CDH22: variants seen among roughly 807,000 people sequenced by gnomAD.
The protein encoded by CDH22 is cadherin-22.
In CDH22, 30 loss-of-function variants were observed where a neutral mutation model predicts 58.4. The observed-to-expected ratio is 0.51, with a 90% CI of 0.38 to 0.70. CDH22 has a LOEUF of 0.70. Ranked by LOEUF, CDH22 falls within the 30% of genes least tolerant of loss-of-function variation. The pLI is 0.00. For missense variants in CDH22, 1,014 were observed against 1,233.9 expected, an observed-to-expected ratio of 0.82 and a Z score of 2.67; for synonymous variants, 513 against 558.2, an observed-to-expected ratio of 0.92 and a Z score of 1.14.
In CDH22 at chr20:46,174,585, C is replaced by A; in HGVS notation, c.2408G>T (p.Ser803Ile). The A allele has an allele frequency of 6.5e-7, 1 of 1,533,072 alleles. No individual in the cohort carries two copies. Among genetic ancestry groups the A allele is most frequent in the Non-Finnish European group, 8.7e-7 (1 of 1,144,786 alleles). 95.0% of individuals were successfully genotyped at this position (1,533,072 alleles called of 1,614,324 possible). A position where few individuals can be genotyped will look rare whatever the true frequency, so the allele number is the denominator to read the frequency against. ...SGSEQDFAYL[S>I]SWGPRFRPLA... ...GGGCCGGAAGCGCGGACCCCAGCTG[C>A]TGAGATAGGCGAAGTCCTGCTCGGA... The change falls in exon 12 of 12, where the codon AGC (serine) becomes ATC (isoleucine). Residue 803 changes from serine (S) to isoleucine (I), a missense_variant. Ser to Ile is a moderately radical substitution (Grantham distance 142, BLOSUM62 -2). Around this residue, in one of 2 missense-constraint regions of CDH22, gnomAD observed 208 missense variants for 195.2 expected, o/e 1.07. Coordinates refer to ENST00000537909, the MANE Select transcript of CDH22 (RefSeq NM_021248.3). The surrounding 1 kb of genome is among the most constrained non-coding windows in gnomAD (Gnocchi z 4.4).
At chr20:46,199,673 G>A (rs2085940454) in intron 7 of CDH22, 114 bp from the exon 8 acceptor site, 1 of 1,325,116 alleles carries the variant, frequency 7.5e-7, no homozygotes, top group Non-Finnish European at 1.0e-6. Context: ...ACACACACAA[G>A]GGGCAGAGAA....
chr20:46,294,129 G>A (rs1179743062), intron 1 of CDH22, among the ~76,000 whole-genome samples: 3 of 152,188 alleles, frequency 2.0e-5, no homozygotes, highest in Non-Finnish European at 4.4e-5. Context: ...TTAAAAGGGG[G>A]CAGCTTTATG....
chr20:46,220,779 GC>G (rs895488667), intron 4 of CDH22: 1 of 152,302 alleles, frequency 6.6e-6, no homozygotes, highest in Non-Finnish European at 1.5e-5. Context: ...TGGTCCTGAA[GC>G]CTTGTGGTGT....
intron 8 of CDH22, among the ~76,000 whole-genome samples, chr20:46,190,857 G>C (rs34291576): frequency 6.6e-6 from 1 of 152,138 alleles, no homozygotes; most frequent in Non-Finnish European, 1.5e-5. Flanking sequence ...GGGCAGCTCA[G>C]GGTGCCTAGG....
chr20:46,292,997 C>T (rs1335908404), intron 1 of CDH22, among the ~76,000 whole-genome samples: 6 of 151,346 alleles, frequency 4.0e-5, no homozygotes, highest in Non-Finnish European at 8.8e-5. Flanking sequence ...GCAGACAGAT[C>T]CTGGGTCTTC....
chr20:46,293,023 T>C (rs536886986), intron 1 of CDH22, among the ~76,000 whole-genome samples: 4 of 152,110 alleles, frequency 2.6e-5, no homozygotes, highest in African/African-American at 4.8e-5. Context: ...CCTAATGTTT[T>C]TGTGGTCCAC....
intron 1 of CDH22, among the ~76,000 whole-genome samples, chr20:46,288,951 G>T (rs959095287): frequency 6.6e-6 from 1 of 152,176 alleles, no homozygotes; most frequent in African/African-American, 2.4e-5. Context: ...AAATCAGGCC[G>T]TAACACTCCT....
intron 10 of CDH22, among the ~76,000 whole-genome samples, chr20:46,179,146 T>C (rs1044049565): frequency 6.6e-6 from 1 of 152,234 alleles, no homozygotes; most frequent in East Asian, 1.9e-4. Flanking sequence ...CTCTGTCATT[T>C]TGATGGCCTC....
intron 3 of CDH22, among the ~76,000 whole-genome samples, chr20:46,233,685 A>G (rs976796076): frequency 6.6e-6 from 1 of 152,146 alleles, no homozygotes; most frequent in African/African-American, 2.4e-5. Flanking sequence ...GGAAAAGACA[A>G]AAAGAGACAG....
chr20:46,284,718 G>T (rs1600726793), intron 1 of CDH22, among the ~76,000 whole-genome samples: 1 of 152,166 alleles, frequency 6.6e-6, no homozygotes, highest in East Asian at 1.9e-4. Flanking sequence ...ATTCCCATCT[G>T]AAACTGGAAC....
intron 1 of CDH22, among the ~76,000 whole-genome samples, chr20:46,290,344 TG>T (rs1354059282): frequency 1.3e-5 from 2 of 152,164 alleles, no homozygotes; most frequent in Non-Finnish European, 2.9e-5. Context: ...TTGTCACAAC[TG>T]GGTGGGAGGG....
rs897491447 is a variant in CDH22, at chr20:46,282,068, C to T, written c.-400+26187G>A. Among the ~76,000 whole-genome samples the T allele has an allele frequency of 2.6e-5, 4 of 152,340 alleles. No individual in the cohort carries two copies. The East Asian group carries it at 5.8e-4, about 22-fold the overall frequency. Reference sequence around the variant, plus strand: ...TTTCTCCTATCACTAGACTTGAATACGAATACCTTCCTTTTTGTCCCCAAA... The same window carrying T: ...TTTCTCCTATCACTAGACTTGAATATGAATACCTTCCTTTTTGTCCCCAAA... On this transcript the variant is annotated intron_variant, in intron 1 of 11. Coordinates refer to ENST00000537909, the MANE Select transcript of CDH22 (RefSeq NM_021248.3).
rs767460141 is a variant in CDH22 at position 46,186,569 on chromosome 20, C to T, written c.1663+19G>A. ...GACTGTGCCCCTCCCTTCTTGCATC[C>T]TAGGGTTTGGAGGCTCACCTTGGAT... On this transcript the variant is annotated intron_variant, in intron 10 of 11. Transcript: ENST00000537909. 1.9e-6 allele frequency: 3 copies of T among 1,566,934 alleles called. No individual in the cohort carries two copies. Among genetic ancestry groups the T allele is most frequent in the Admixed American group, 3.3e-5 (2 of 59,756 alleles).
At chr20:46,197,771 C>T (rs1044535610) in intron 8 of CDH22, among the ~76,000 whole-genome samples, 1 of 152,176 alleles carries the variant, frequency 6.6e-6, no homozygotes, top group African/African-American at 2.4e-5. Context: ...GAGGTCTGAG[C>T]CAGCTTTGTA....
At chr20:46,236,586 AAT>A (rs1199791537) in intron 3 of CDH22, among the ~76,000 whole-genome samples, 1 of 142,912 alleles carries the variant, frequency 7.0e-6, no homozygotes, top group Non-Finnish European at 1.5e-5. Context: ...ATATAAATAT[AAT>A]ATATAATATA....
rs1325610838 is a variant in CDH22, at chr20:46,181,739, C to CTTT, written c.1664-3543_1664-3542insAAA. Among the ~76,000 whole-genome samples the CTTT allele has an allele frequency of 1.3e-4, 11 of 82,262 alleles. 1 individual carries two copies. Among genetic ancestry groups the CTTT allele is most frequent in the Non-Finnish European group, 2.8e-4 (11 of 38,960 alleles). 54.0% of individuals were successfully genotyped at this position (82,262 alleles called of 152,430 possible). A position where few individuals can be genotyped will look rare whatever the true frequency, so the allele number is the denominator to read the frequency against. ...TTTTTCCTTCCTTCCTTCCTTCCTT[C>CTTT]CTTCCTTCCTTCCTTCTTTCTTTCT... On this transcript the variant is annotated intron_variant, in intron 10 of 11. Transcript: ENST00000537909.
intron 6 of CDH22, among the ~76,000 whole-genome samples, chr20:46,211,628 C>T (rs556045708): frequency 6.6e-6 from 1 of 152,268 alleles, no homozygotes; most frequent in South Asian, 2.1e-4. Flanking sequence ...TTAAGCAGCC[C>T]AGGGGATGAG....
At chr20:46,196,926 T>C (rs1568654781) in intron 8 of CDH22, among the ~76,000 whole-genome samples, 1 of 152,130 alleles carries the variant, frequency 6.6e-6, no homozygotes, top group African/African-American at 2.4e-5. Context: ...CCTTTTCCCA[T>C]TAATTAATAT....
At chr20:46,228,770 G>A (rs2086198886) in intron 3 of CDH22, among the ~76,000 whole-genome samples, 1 of 152,140 alleles carries the variant, frequency 6.6e-6, no homozygotes. Context: ...GCCCCTCCTG[G>A]GCTGGGCTGG....
Sources: allele counts gnomAD v4.1 joint callset (sites outside exome capture counted in the v4.1 genomes callset), GRCh38; gene constraint gnomAD v4.1.1; regional missense constraint gnomAD v4.1.1; non-coding constraint Gnocchi (gnomAD v3.1); transcripts MANE v1.5; gene names NCBI Gene and HGNC (gene_info 2026-07-23, HGNC 2026-07-21).